The following SUSD6 variants were observed in gnomAD, a reference collection of about 807,000 sequenced individuals.
The protein encoded by SUSD6 is sushi domain-containing protein 6.
In SUSD6, 16 loss-of-function variants were observed where a neutral mutation model predicts 28.4. That is an observed-to-expected ratio of 0.56 (90% confidence interval 0.38 to 0.86). The LOEUF (loss-of-function observed/expected upper bound fraction) is 0.86. Ranked by LOEUF, SUSD6 falls within the 40% of genes least tolerant of loss-of-function variation. The probability of loss-of-function intolerance (pLI) is 0.00; values close to 1 mark genes in which losing one functional copy is unlikely to be tolerated. For synonymous variants in SUSD6, 147 were observed against 159.6 expected, an observed-to-expected ratio of 0.92 and a Z score of 0.59; for missense variants, 341 against 384.2, an observed-to-expected ratio of 0.89 and a Z score of 0.94.
chr14:69,634,382 T>G (rs1271674341), intron 1 of SUSD6, among the ~76,000 whole-genome samples: 1 of 152,240 alleles, frequency 6.6e-6, no homozygotes, highest in Non-Finnish European at 1.5e-5. Flanking sequence ...ACATTTTCTT[T>G]GTCATGTCAC....
intron 4 of SUSD6, among the ~76,000 whole-genome samples, chr14:69,705,542 C>A (rs559895376): frequency 1.3e-5 from 2 of 152,286 alleles, no homozygotes; most frequent in Middle Eastern, 3.4e-3. Flanking sequence ...CACTATCCTG[C>A]ACTCCTGGTT....
chr14:69,653,806 G>GT (rs1195657443), intron 1 of SUSD6, among the ~76,000 whole-genome samples: 2 of 92,540 alleles, frequency 2.2e-5, no homozygotes, highest in South Asian at 3.4e-4. Flanking sequence ...GACAAGTCTT[G>GT]TTTTTTTAAA....
At chr14:69,630,722 A>G in intron 1 of SUSD6, among the ~76,000 whole-genome samples, 1 of 151,968 alleles carries the variant, frequency 6.6e-6, no homozygotes, top group South Asian at 2.1e-4. Context: ...ACCCTTTTCT[A>G]AGTTTTTATT....
chr14:69,692,480 G>GT (rs1228187997), intron 2 of SUSD6, among the ~76,000 whole-genome samples: 1 of 152,166 alleles, frequency 6.6e-6, no homozygotes, highest in Non-Finnish European at 1.5e-5. Flanking sequence ...CAGAGCCTCA[G>GT]TTTTTTCTGA....
intron 1 of SUSD6, among the ~76,000 whole-genome samples, chr14:69,648,347 C>T (rs977709077): frequency 3.3e-5 from 5 of 152,118 alleles, no homozygotes; most frequent in African/African-American, 9.7e-5. Flanking sequence ...TCAAGTTTTC[C>T]AGTTAAAGGA....
Position 69,681,680 on chromosome 14 carries a change from G to A in SUSD6, c.122-21715G>A, listed in dbSNP as rs183380297. ...TTTTCATTACTTCTTGAGAATGGTC[G>A]CTATAAAGATGGGAAAAGTAAGATA... On this transcript the variant is annotated intron_variant, in intron 2 of 5. Transcript: ENST00000342745. Among the ~76,000 whole-genome samples the A allele has an allele frequency of 1.9e-3, 289 of 152,320 alleles. 1 individual carries two copies. Among genetic ancestry groups the A allele is most frequent in the Middle Eastern group, 6.8e-3 (2 of 294 alleles).
intron 2 of SUSD6, among the ~76,000 whole-genome samples, chr14:69,659,842 A>G (rs1885637213): frequency 6.6e-6 from 1 of 152,182 alleles, no homozygotes; most frequent in South Asian, 2.1e-4. Flanking sequence ...GAGTTTGTAC[A>G]GCCCTTGTTG....
intron 1 of SUSD6, among the ~76,000 whole-genome samples, chr14:69,650,689 T>C (rs559514839): frequency 6.6e-6 from 1 of 152,320 alleles, no homozygotes; most frequent in East Asian, 1.9e-4. Flanking sequence ...TTGCCTTCTC[T>C]CTTGCATCTT....
intron 2 of SUSD6, among the ~76,000 whole-genome samples, chr14:69,693,485 C>A (rs180684579): frequency 8.4e-4 from 128 of 152,198 alleles, no homozygotes; most frequent in Non-Finnish European, 1.6e-3. Flanking sequence ...CAAACAACAC[C>A]CCCCAAAGTG....
chr14:69,659,814 G>A (rs554824005), intron 2 of SUSD6, among the ~76,000 whole-genome samples: 89 of 152,210 alleles, frequency 5.8e-4, no homozygotes, highest in South Asian at 1.2e-3. Context: ...CCACGTGCTC[G>A]GCCCATTGAA....
intron 1 of SUSD6, among the ~76,000 whole-genome samples, chr14:69,612,974 C>T (rs542932328): frequency 1.3e-5 from 2 of 152,270 alleles, no homozygotes; most frequent in East Asian, 1.9e-4. Context: ...CAAACTGTCA[C>T]CATCTAGTGG....
chr14:69,661,555 G>A (rs993906731), intron 2 of SUSD6, among the ~76,000 whole-genome samples: 2 of 152,128 alleles, frequency 1.3e-5, no homozygotes, highest in South Asian at 4.1e-4. Flanking sequence ...GGGGAAAGGG[G>A]TTCACCTTTG....
At chr14:69,680,849 T>G (rs907120876) in intron 2 of SUSD6, among the ~76,000 whole-genome samples, 5 of 152,158 alleles carry the variant, frequency 3.3e-5, no homozygotes, top group African/African-American at 1.2e-4. Flanking sequence ...GATGATTCCT[T>G]TAGTCTTCCC....
intron 1 of SUSD6, among the ~76,000 whole-genome samples, chr14:69,652,867 C>G (rs1228353138): frequency 6.6e-6 from 1 of 152,206 alleles, no homozygotes; most frequent in Non-Finnish European, 1.5e-5. Flanking sequence ...AGGCCCTTAC[C>G]AGAAGCCCAC....
At chr14:69,627,870 G>GTC (rs1233152241) in intron 1 of SUSD6, among the ~76,000 whole-genome samples, 1 of 151,844 alleles carries the variant, frequency 6.6e-6, no homozygotes, top group Non-Finnish European at 1.5e-5. Context: ...GGGGGTCTTA[G>GTC]TCTCATATGG....
chr14:69,709,661 GC>G (rs1183424110), intron 5 of SUSD6, among the ~76,000 whole-genome samples: 3 of 152,166 alleles, frequency 2.0e-5, no homozygotes, highest in African/African-American at 4.8e-5. Flanking sequence ...AAGTCACTTG[GC>G]CCACTGGTAA....
intron 2 of SUSD6, among the ~76,000 whole-genome samples, chr14:69,691,508 C>T (rs1463138287): frequency 2.0e-5 from 3 of 152,138 alleles, no homozygotes; most frequent in Admixed American, 6.6e-5. Context: ...TCTTTCTTTG[C>T]GGTTGTCTAG....
At chr14:69,688,034 C>T (rs1175519456) in intron 2 of SUSD6, among the ~76,000 whole-genome samples, 1 of 152,066 alleles carries the variant, frequency 6.6e-6, no homozygotes, top group Non-Finnish European at 1.5e-5. Context: ...TTTGTATGCC[C>T]TTTTCTAATA....
chr14:69,622,458 A>C (rs1048412960), intron 1 of SUSD6, among the ~76,000 whole-genome samples: 4 of 151,716 alleles, frequency 2.6e-5, no homozygotes, highest in Non-Finnish European at 5.9e-5. Context: ...ATGAGCTACC[A>C]CCCCGGCCCA....
Sources: allele counts gnomAD v4.1 joint callset (sites outside exome capture counted in the v4.1 genomes callset), GRCh38; gene constraint gnomAD v4.1.1; transcripts MANE v1.5; gene names NCBI Gene and HGNC (gene_info 2026-07-23, HGNC 2026-07-21).